NUMB: variants seen among roughly 807,000 people sequenced by gnomAD.
NUMB encodes protein numb homolog.
Under a neutral mutation model 59.7 loss-of-function variants are expected in NUMB, and 29 were observed. That is an observed-to-expected ratio of 0.49 (90% CI 0.36 to 0.66). The LOEUF is 0.66. Among genes scored for constraint, NUMB ranks in the 30% least tolerant of loss-of-function variants. NUMB has a pLI of 0.00. For missense variants in NUMB, 723 were observed against 822.0 expected (o/e 0.88, Z 1.47); for synonymous variants, 288 against 288.2 (o/e 1.00, Z 0.01).
chr14:73,387,414 A>G (rs1169573651), intron 2 of NUMB, among the ~76,000 whole-genome samples: 1 of 152,206 alleles, frequency 6.6e-6, no homozygotes, highest in Non-Finnish European at 1.5e-5. Flanking sequence ...AGAGAAAAGG[A>G]TAAGAAAGGA....
intron 8 of NUMB, 58 bp from the exon 9 acceptor site, chr14:73,287,372 A>G (rs978198217): frequency 2.9e-6 from 4 of 1,378,752 alleles, no homozygotes; most frequent in Admixed American, 2.2e-5. Context: ...TTACATACAA[A>G]TAAGTCTTTT....
In NUMB at chr14:73,311,546, T is replaced by C. The variant is rs571005680; in HGVS notation, c.234+4844A>G. Among the ~76,000 whole-genome samples, 22 of 152,306 alleles carry C rather than the reference T, an allele frequency of 1.4e-4. No individual in the cohort carries two copies. In the South Asian group the frequency reaches 3.5e-3, roughly 24 times the overall value. Reference sequence around the variant, plus strand: ...TGGTGATGCAACAATAGGGAAGTGATGGTGGTCAGGTCCAAGAGGCAACTT... The same window carrying C: ...TGGTGATGCAACAATAGGGAAGTGACGGTGGTCAGGTCCAAGAGGCAACTT... On this transcript the variant is annotated intron_variant, in intron 6 of 12. Coordinates refer to ENST00000555238, the MANE Select transcript of NUMB (RefSeq NM_001005743.2).
At chr14:73,397,667 T>C (rs1411848814) in intron 2 of NUMB, among the ~76,000 whole-genome samples, 1 of 152,240 alleles carries the variant, frequency 6.6e-6, no homozygotes, top group Admixed American at 6.5e-5. Flanking sequence ...TTAATTGTTT[T>C]ATGAGCATTC....
chr14:73,290,258 A>G (rs911631922), intron 8 of NUMB, among the ~76,000 whole-genome samples: 4 of 152,214 alleles, frequency 2.6e-5, no homozygotes, highest in African/African-American at 9.6e-5. Context: ...TGTTACTTCA[A>G]CTCATTTCAA....
In NUMB at chr14:73,353,072, G is replaced by GTTTTTTTT. The variant is rs71112737; in HGVS notation, c.126+2546_126+2553dup. Among the ~76,000 whole-genome samples, 286 of 58,462 alleles carry GTTTTTTTT rather than the reference G, an allele frequency of 4.9e-3. 62 individuals are homozygous for GTTTTTTTT. Among genetic ancestry groups the GTTTTTTTT allele is most frequent in the Non-Finnish European group, 6.5e-3 (196 of 30,322 alleles). The allele number at this position is 58,462 out of a possible 152,430, so 38.4% of individuals were successfully genotyped here. ...CTTAATGGATGCCACAGTTTTTCTT[G>GTTTTTTTT]TTTTTTTTTTTTTTTTTTTTTTTTT... On this transcript the variant is annotated intron_variant, in intron 4 of 12. Transcript: ENST00000555238.
At chr14:73,352,457 CATACACACACACACACACACATATAT>C (rs1451520971) in intron 4 of NUMB, among the ~76,000 whole-genome samples, 8 of 19,078 alleles carry the variant, frequency 4.2e-4, no homozygotes, top group Admixed American at 1.1e-3. Flanking sequence ...CACACACACA[CATACACACACACACACACACATATAT>C]ATATATATAT....
chr14:73,377,209 C>T (rs563368363), intron 2 of NUMB, among the ~76,000 whole-genome samples: 110 of 152,148 alleles, frequency 7.2e-4, no homozygotes, highest in African/African-American at 2.5e-3. Context: ...AAGGCACAAC[C>T]CATTAAAGAA....
At chr14:73,439,206 C>T (rs960148152) in intron 1 of NUMB, among the ~76,000 whole-genome samples, 1 of 152,128 alleles carries the variant, frequency 6.6e-6, no homozygotes, top group African/African-American at 2.4e-5. Flanking sequence ...AACCTGATTT[C>T]CTAGGAAATT....
intron 2 of NUMB, among the ~76,000 whole-genome samples, chr14:73,402,316 CCTAT>C (rs1173988600): frequency 6.6e-6 from 1 of 152,046 alleles, no homozygotes; most frequent in African/African-American, 2.4e-5. Context: ...TGACTGATTC[CCTAT>C]CTGTTATATG....
At chr14:73,455,517 A>T (rs1884300451) in intron 1 of NUMB, among the ~76,000 whole-genome samples, 1 of 152,236 alleles carries the variant, frequency 6.6e-6, no homozygotes, top group Non-Finnish European at 1.5e-5. Flanking sequence ...AAAACCATTA[A>T]ACAAAAGCTC....
At chr14:73,287,025 G>A (rs1293175002) in intron 9 of NUMB, 85 bp downstream of exon 9, 2 of 1,320,142 alleles carry the variant, frequency 1.5e-6, no homozygotes, top group African/African-American at 1.4e-5. Context: ...TTGATTATGA[G>A]AAAATTTACC....
At chr14:73,290,113 T>G (rs1352933971) in intron 8 of NUMB, among the ~76,000 whole-genome samples, 4 of 152,198 alleles carry the variant, frequency 2.6e-5, no homozygotes, top group Admixed American at 2.6e-4. Flanking sequence ...CGGGCCACTA[T>G]TTGACAACAA....
chr14:73,334,111 G>C (rs950302155), intron 4 of NUMB, among the ~76,000 whole-genome samples: 15 of 151,660 alleles, frequency 9.9e-5, no homozygotes, highest in African/African-American at 3.6e-4. Flanking sequence ...GAGTATAATG[G>C]CACAATCTCG....
At chr14:73,402,929 A>G (rs17127224) in intron 2 of NUMB, among the ~76,000 whole-genome samples, 8,872 of 152,290 alleles carry the variant, frequency 0.058, 722 homozygotes, top group African/African-American at 0.19. Context: ...GAAGTCAAAC[A>G]AACACAATTT....
intron 1 of NUMB, among the ~76,000 whole-genome samples, chr14:73,417,828 C>T (rs764736785): frequency 9.2e-5 from 14 of 152,146 alleles, no homozygotes; most frequent in East Asian, 1.9e-4. Flanking sequence ...TAGTCTAGGC[C>T]GGGAGCCATG....
intron 2 of NUMB, among the ~76,000 whole-genome samples, chr14:73,371,094 T>C (rs986505106): frequency 1.3e-5 from 2 of 152,044 alleles, no homozygotes; most frequent in Non-Finnish European, 2.9e-5. Flanking sequence ...GTCCATCTCA[T>C]ACATTTTTTT....
At chr14:73,399,795 A>C (rs547262071) in intron 2 of NUMB, among the ~76,000 whole-genome samples, 1 of 152,066 alleles carries the variant, frequency 6.6e-6, no homozygotes, top group Non-Finnish European at 1.5e-5. Flanking sequence ...TGTAATCCCA[A>C]CACTTTGGGA....
intron 6 of NUMB, among the ~76,000 whole-genome samples, chr14:73,304,231 G>A (rs920113653): frequency 2.0e-5 from 3 of 152,132 alleles, no homozygotes; most frequent in African/African-American, 7.2e-5. Flanking sequence ...TACAGTAAAA[G>A]GCAACTGAAA....
chr14:73,380,396 CAA>C (rs1895172140), intron 2 of NUMB, among the ~76,000 whole-genome samples: 1 of 152,068 alleles, frequency 6.6e-6, no homozygotes. Flanking sequence ...GGGAACAAAT[CAA>C]AAGTTTGTTA....
Sources: allele counts gnomAD v4.1 joint callset (sites outside exome capture counted in the v4.1 genomes callset), GRCh38; gene constraint gnomAD v4.1.1; transcripts MANE v1.5; gene names NCBI Gene and HGNC (gene_info 2026-07-23, HGNC 2026-07-21).